PRSS23: variants seen among roughly 807,000 people sequenced by gnomAD.
PRSS23 encodes protease, serine 23.
Under a neutral mutation model 34.7 loss-of-function variants are expected in PRSS23, and 25 were observed. The ratio of observed to expected loss-of-function variants is 0.72; its 90% CI spans 0.53 to 1.01. PRSS23 has a LOEUF of 1.01. PRSS23 is among the 50% of genes least tolerant of loss of function. The pLI, the probability that PRSS23 is intolerant of heterozygous loss-of-function variation, is 0.00. For synonymous variants in PRSS23, 176 were observed against 186.6 expected (o/e 0.94, Z 0.46); for missense variants, 445 against 475.6 (o/e 0.94, Z 0.60).
chr11:86,834,259 G>A (rs1172764684), intron 2 of PRSS23, among the ~76,000 whole-genome samples: 1 of 152,006 alleles, frequency 6.6e-6, no homozygotes, highest in African/African-American at 2.4e-5. Flanking sequence ...TTTGGTGAAG[G>A]GTTTTAAGTA....
At chr11:86,858,552 C>G (rs542174101) in intron 2 of PRSS23, among the ~76,000 whole-genome samples, 95 of 151,904 alleles carry the variant, frequency 6.3e-4, no homozygotes, top group African/African-American at 2.2e-3. Context: ...GATGTTAATC[C>G]CAATGTTGCA....
intron 2 of PRSS23, among the ~76,000 whole-genome samples, chr11:86,944,270 A>C (rs1338396638): frequency 2.0e-5 from 3 of 151,612 alleles, no homozygotes; most frequent in African/African-American, 7.3e-5. Flanking sequence ...AGTTTTTATA[A>C]GGATACTAGA....
chr11:86,854,503 T>C (rs1010917214), intron 2 of PRSS23, among the ~76,000 whole-genome samples: 1 of 152,194 alleles, frequency 6.6e-6, no homozygotes, highest in Non-Finnish European at 1.5e-5. Context: ...TGCACAAAAG[T>C]GTTTGTCATT....
chr11:86,939,393 TAAA>T (rs778076028), intron 2 of PRSS23, among the ~76,000 whole-genome samples: 2 of 83,930 alleles, frequency 2.4e-5, no homozygotes, highest in Non-Finnish European at 5.3e-5. Context: ...ATTTCTCAGT[TAAA>T]AAAAAAAATA....
At chr11:86,929,616 G>A (rs548284385) in intron 2 of PRSS23, among the ~76,000 whole-genome samples, 3 of 152,314 alleles carry the variant, frequency 2.0e-5, no homozygotes, top group South Asian at 2.1e-4. Flanking sequence ...ATGACAAAGC[G>A]AGACTCCGTC....
chr11:86,849,183 A>T (rs889619755), intron 2 of PRSS23, among the ~76,000 whole-genome samples: 1 of 152,140 alleles, frequency 6.6e-6, no homozygotes, highest in Non-Finnish European at 1.5e-5. Flanking sequence ...CTTTCTCAGG[A>T]TTAATCTCCT....
At chr11:86,859,068 C>T (rs1452584684) in intron 2 of PRSS23, among the ~76,000 whole-genome samples, 1 of 151,726 alleles carries the variant, frequency 6.6e-6, no homozygotes, top group Non-Finnish European at 1.5e-5. Flanking sequence ...TGATATTACA[C>T]CAAATGTCAC....
chr11:86,832,716 C>G (rs926298490), intron 2 of PRSS23: 5 of 309,306 alleles, frequency 1.6e-5, no homozygotes, highest in African/African-American at 1.1e-4. Flanking sequence ...AAGCAAACAA[C>G]TGACAGGGGA....
intron 1 of PRSS23, among the ~76,000 whole-genome samples, chr11:86,802,065 A>G (rs1948046211): frequency 6.6e-6 from 1 of 152,092 alleles, no homozygotes; most frequent in Non-Finnish European, 1.5e-5. Context: ...ATCTGAGAAC[A>G]TTTTTGTCCC....
chr11:86,900,760 TC>T (rs1948905911), intron 2 of PRSS23, among the ~76,000 whole-genome samples: 1 of 148,952 alleles, frequency 6.7e-6, no homozygotes, highest in South Asian at 2.1e-4. Context: ...CCTTCAAATT[TC>T]AGCATTATTA....
chr11:86,878,435 G>C (rs895730699), intron 2 of PRSS23, among the ~76,000 whole-genome samples: 1 of 152,136 alleles, frequency 6.6e-6, no homozygotes, highest in Non-Finnish European at 1.5e-5. Flanking sequence ...ACTGCTTTTC[G>C]TATTTTTTTG....
intron 2 of PRSS23, among the ~76,000 whole-genome samples, chr11:86,899,345 C>T (rs1948896220): frequency 6.6e-6 from 1 of 152,076 alleles, no homozygotes; most frequent in Admixed American, 6.5e-5. Flanking sequence ...ATGGCAAAAC[C>T]CCATCTCTAC....
intron 2 of PRSS23, among the ~76,000 whole-genome samples, chr11:86,913,378 T>C (rs1184296961): frequency 6.7e-6 from 1 of 149,104 alleles, no homozygotes; most frequent in African/African-American, 2.5e-5. Context: ...TTCTTCTCCA[T>C]AGCCTTCAGG....
intron 2 of PRSS23, among the ~76,000 whole-genome samples, chr11:86,883,848 A>C (rs151186257): frequency 1.3e-5 from 2 of 152,136 alleles, no homozygotes; most frequent in African/African-American, 2.4e-5. Context: ...GGTTTTTAGG[A>C]GTGTGTTGTT....
chr11:86,952,462 A>G (rs1949302817), exon 3 of PRSS23: 1 of 1,613,476 alleles, frequency 6.2e-7, no homozygotes, highest in Non-Finnish European at 8.5e-7. Context: ...AAACAGAACA[A>G]AGGAAGAACT....
chr11:86,856,107 C>T lies in PRSS23; in HGVS notation c.206+32514C>T, dbSNP rs189667220. Among the ~76,000 whole-genome samples, 341 of 152,160 alleles carry T rather than the reference C, an allele frequency of 2.2e-3. 4 individuals are homozygous for T. Among genetic ancestry groups the T allele is most frequent in the South Asian group, 0.01 (50 of 4,818 alleles). ...ATGTATGTACAAGTGTGAGATAAAACAGCAATCAATGTGTGTATAAATCTA... is the reference window on the plus strand; with the variant it reads ...ATGTATGTACAAGTGTGAGATAAAATAGCAATCAATGTGTGTATAAATCTA... On this transcript the variant is annotated intron_variant, in intron 2 of 2. Coordinates refer to the PRSS23 transcript ENST00000533902.
chr11:86,914,962 G>T (rs1949002765), intron 2 of PRSS23, among the ~76,000 whole-genome samples: 1 of 152,194 alleles, frequency 6.6e-6, no homozygotes, highest in African/African-American at 2.4e-5. Context: ...TTTAGTGAGT[G>T]TATCAGGATT....
intron 2 of PRSS23, among the ~76,000 whole-genome samples, chr11:86,834,345 G>A (rs1300029415): frequency 6.6e-6 from 1 of 152,150 alleles, no homozygotes; most frequent in Non-Finnish European, 1.5e-5. Context: ...AGGAAACTAT[G>A]TCCTCCTGAG....
At chr11:86,796,680 A>T (rs1203287876), upstream of PRSS23, among the ~76,000 whole-genome samples, 1 of 151,956 alleles carries the variant, frequency 6.6e-6, no homozygotes, top group Non-Finnish European at 1.5e-5. Flanking sequence ...ACATAATAAA[A>T]TATACTCCAC....
Sources: gnomAD v4.1 joint callset for allele counts (sites outside exome capture counted in the v4.1 genomes callset) on GRCh38, gnomAD v4.1.1 for gene constraint, MANE v1.5 for transcripts, NCBI Gene and HGNC (gene_info 2026-07-23, HGNC 2026-07-21) for gene names.